The following ELMO1 variants were observed in gnomAD, a reference collection of about 807,000 sequenced individuals.
ELMO1 encodes engulfment and cell motility protein 1.
ELMO1 carries 26 observed loss-of-function variants against 98.9 expected under a neutral mutation model. That is an observed-to-expected ratio of 0.26 (90% CI 0.19 to 0.36). The LOEUF is 0.36. Among genes scored for constraint, ELMO1 ranks in the 10% least tolerant of loss-of-function variants. The pLI is 1.00. For synonymous variants in ELMO1, 346 were observed against 346.0 expected (o/e 1.00, Z 0.00); for missense variants, 627 against 935.2 (o/e 0.67, Z 4.30).
intron 15 of ELMO1, among the ~76,000 whole-genome samples, chr7:37,034,163 G>C (rs371896451): frequency 6.6e-6 from 1 of 152,160 alleles, no homozygotes; most frequent in Admixed American, 6.5e-5. Context: ...CAGTACCTCA[G>C]AATGTGACTG....
chr7:37,275,221 T>C (rs1796765730), intron 4 of ELMO1, among the ~76,000 whole-genome samples: 1 of 152,212 alleles, frequency 6.6e-6, no homozygotes, highest in Non-Finnish European at 1.5e-5. Context: ...TCCTAACTGC[T>C]AAGGAATGCT....
At chr7:37,061,896 C>T (rs1418117875) in intron 15 of ELMO1, among the ~76,000 whole-genome samples, 1 of 152,130 alleles carries the variant, frequency 6.6e-6, no homozygotes, top group African/African-American at 2.4e-5. Flanking sequence ...TATTCTGTGA[C>T]CCCAAATGTG....
intron 15 of ELMO1, among the ~76,000 whole-genome samples, chr7:37,093,953 A>G (rs530225435): frequency 1.3e-5 from 2 of 152,334 alleles, no homozygotes; most frequent in South Asian, 4.1e-4. Flanking sequence ...GCGTTAAAAA[A>G]CATAATGACA....
intron 4 of ELMO1, among the ~76,000 whole-genome samples, chr7:37,304,699 G>A (rs560483299): frequency 1.3e-5 from 2 of 152,276 alleles, no homozygotes; most frequent in African/African-American, 2.4e-5. Flanking sequence ...CTGGGCGACA[G>A]AGCGAGACTC....
chr7:37,097,196 T>G (rs1784405195), intron 14 of ELMO1, among the ~76,000 whole-genome samples: 1 of 152,148 alleles, frequency 6.6e-6, no homozygotes, highest in African/African-American at 2.4e-5. Flanking sequence ...GCCTGGAAAA[T>G]GTGACATGAT....
At chr7:36,886,120 G>C (rs1804987695) in intron 18 of ELMO1, among the ~76,000 whole-genome samples, 1 of 152,214 alleles carries the variant, frequency 6.6e-6, no homozygotes, top group South Asian at 2.1e-4. Flanking sequence ...AACGCGATGA[G>C]AGGAGGGCAT....
chr7:37,316,734 C>A (rs1336335364), intron 2 of ELMO1, among the ~76,000 whole-genome samples: 1 of 152,040 alleles, frequency 6.6e-6, no homozygotes, highest in Non-Finnish European at 1.5e-5. Flanking sequence ...TCATGTCAAC[C>A]CAAAGAACAA....
intron 16 of ELMO1, among the ~76,000 whole-genome samples, chr7:36,978,415 C>T (rs903296223): frequency 1.3e-5 from 2 of 151,918 alleles, no homozygotes; most frequent in African/African-American, 4.8e-5. Context: ...TGACAGAATA[C>T]ATCATGGGTA....
At chr7:36,861,983 C>A (rs1283482012) in intron 20 of ELMO1, 3 of 514,938 alleles carry the variant, frequency 5.8e-6, no homozygotes, top group African/African-American at 1.9e-5. Flanking sequence ...GTGTTTTCAT[C>A]TCCTTTATGA....
At chr7:37,227,693 A>AG (rs1793945207) in intron 8 of ELMO1, among the ~76,000 whole-genome samples, 1 of 152,176 alleles carries the variant, frequency 6.6e-6, no homozygotes, top group South Asian at 2.1e-4. Flanking sequence ...GCCTACACTC[A>AG]GTGTTTTCTG....
At chr7:36,876,363 T>C (rs1803972643) in intron 19 of ELMO1, among the ~76,000 whole-genome samples, 1 of 151,996 alleles carries the variant, frequency 6.6e-6, no homozygotes, top group African/African-American at 2.4e-5. Context: ...GAAAGGGTTG[T>C]GATATTAAAC....
chr7:36,911,131 T>C (rs1328622359), intron 16 of ELMO1, among the ~76,000 whole-genome samples: 4 of 152,138 alleles, frequency 2.6e-5, no homozygotes, highest in Admixed American at 6.5e-5. Context: ...AAGGGATCTA[T>C]TCTGGAAAGG....
chr7:36,949,057 T>C (rs1350608787), intron 16 of ELMO1, among the ~76,000 whole-genome samples: 2 of 152,282 alleles, frequency 1.3e-5, no homozygotes, highest in African/African-American at 4.8e-5. Context: ...GGTTTCACCA[T>C]GTTGGTCAGG....
At chr7:37,385,018 AGAATCGTAAACACTGTCTAG>A (rs1802737107) in intron 1 of ELMO1, among the ~76,000 whole-genome samples, 3 of 152,246 alleles carry the variant, frequency 2.0e-5, no homozygotes, top group African/African-American at 7.2e-5. Flanking sequence ...TGAAGTTCTA[AGAATCGTAAACACTGTCTAG>A]GAATTACTTT....
At chr7:36,966,701 AAAG>A (rs765558890) in intron 16 of ELMO1, among the ~76,000 whole-genome samples, 93 of 152,374 alleles carry the variant, frequency 6.1e-4, no homozygotes, top group Admixed American at 1.8e-3. Context: ...AGTTTTAAAC[AAAG>A]AAGTGGTAAA....
chr7:37,433,426 G>C (rs539879702), intron 1 of ELMO1, among the ~76,000 whole-genome samples: 1 of 152,306 alleles, frequency 6.6e-6, no homozygotes, highest in South Asian at 2.1e-4. Flanking sequence ...GTCACGGAAG[G>C]TTCTCAGAGG....
chr7:37,383,826 TG>T (rs1221105865), intron 1 of ELMO1, among the ~76,000 whole-genome samples: 1 of 152,148 alleles, frequency 6.6e-6, no homozygotes, highest in Non-Finnish European at 1.5e-5. Flanking sequence ...TTGTTGTTGT[TG>T]TTGTTTGAGA....
chr7:37,358,064 G>GT (rs1386388208), intron 1 of ELMO1, among the ~76,000 whole-genome samples: 1 of 152,068 alleles, frequency 6.6e-6, no homozygotes, highest in East Asian at 1.9e-4. Flanking sequence ...TGAATGAATT[G>GT]TTTTTTTAAT....
intron 14 of ELMO1, among the ~76,000 whole-genome samples, chr7:37,126,300 A>AATATATATATATATATATATAT (rs201860679): frequency 1.4e-4 from 19 of 134,104 alleles, no homozygotes; most frequent in Non-Finnish European, 6.4e-5. Flanking sequence ...GTATAATTTA[A>AATATATATATATATATATATAT]ATATATATAT....
Sources: allele counts gnomAD v4.1 joint callset (sites outside exome capture counted in the v4.1 genomes callset), GRCh38; gene constraint gnomAD v4.1.1; transcripts MANE v1.5; gene names NCBI Gene and HGNC (gene_info 2026-07-23, HGNC 2026-07-21).